Variants in THSD4 observed in about 807,000 individuals in gnomAD.
THSD4 encodes the protein thrombospondin type 1 domain containing 4.
THSD4 carries 69 observed loss-of-function variants against 119.0 expected under a neutral mutation model. The ratio of observed to expected loss-of-function variants is 0.58; its 90% CI spans 0.48 to 0.71. The LOEUF (loss-of-function observed/expected upper bound fraction) is 0.71. THSD4 is among the 30% of genes least tolerant of loss of function. The probability of loss-of-function intolerance (pLI) is 0.00; values close to 1 mark genes in which losing one functional copy is unlikely to be tolerated. For synonymous variants in THSD4, 524 were observed against 540.4 expected (o/e 0.97, Z 0.42); for missense variants, 1,393 against 1,391.1 (o/e 1.00, Z -0.02).
intron 13 of THSD4, among the ~76,000 whole-genome samples, chr15:71,747,932 A>G (rs1284946517): frequency 6.6e-6 from 1 of 152,226 alleles, no homozygotes; most frequent in East Asian, 1.9e-4. Context: ...TCAAGGGCAG[A>G]GGTGCATGAC....
intron 8 of THSD4, among the ~76,000 whole-genome samples, chr15:71,713,492 C>G (rs984599948): frequency 7.2e-5 from 11 of 152,192 alleles, no homozygotes; most frequent in African/African-American, 2.7e-4. Flanking sequence ...TTTACACAAT[C>G]TTACAGCATC....
chr15:71,519,808 C>G (rs576905928), intron 7 of THSD4, among the ~76,000 whole-genome samples: 3 of 152,278 alleles, frequency 2.0e-5, no homozygotes, highest in Admixed American at 2.0e-4. Context: ...GCTTTGGAAA[C>G]AGCAAAGGGG....
intron 3 of THSD4, among the ~76,000 whole-genome samples, chr15:71,195,971 G>C (rs1002623696): frequency 2.0e-5 from 3 of 152,184 alleles, no homozygotes; most frequent in Non-Finnish European, 2.9e-5. Flanking sequence ...CAAAATGCCT[G>C]AGACTGGGTA....
At chr15:71,374,603 C>T (rs913632068) in intron 6 of THSD4, among the ~76,000 whole-genome samples, 49 of 152,140 alleles carry the variant, frequency 3.2e-4, no homozygotes, top group South Asian at 4.1e-4. Flanking sequence ...CTCTGGGTCT[C>T]CCTCCAGCTT....
chr15:71,121,446 C>T (rs909161153), intron 1 of THSD4, among the ~76,000 whole-genome samples: 1 of 151,958 alleles, frequency 6.6e-6, no homozygotes, highest in African/African-American at 2.4e-5. Context: ...TCTTCCAGGG[C>T]GCCAAGGCTT....
chr15:71,356,906 C>T (rs1184725042), intron 6 of THSD4, among the ~76,000 whole-genome samples: 7 of 152,172 alleles, frequency 4.6e-5, no homozygotes, highest in Non-Finnish European at 8.8e-5. Flanking sequence ...AGACACCAAA[C>T]GACAGCGCAC....
intron 7 of THSD4, among the ~76,000 whole-genome samples, chr15:71,632,719 T>G (rs1202672492): frequency 6.6e-6 from 1 of 152,252 alleles, no homozygotes; most frequent in Non-Finnish European, 1.5e-5. Flanking sequence ...CAGCAACTGC[T>G]GTAAGTGATT....
intron 4 of THSD4, among the ~76,000 whole-genome samples, chr15:71,222,718 G>A (rs1240406691): frequency 6.6e-6 from 1 of 152,126 alleles, no homozygotes; most frequent in African/African-American, 2.4e-5. Context: ...GAGTCTGGTC[G>A]GGTGAGGAAA....
chr15:71,199,827 G>GGTGT (rs748178011), intron 3 of THSD4, among the ~76,000 whole-genome samples: 1 of 118,118 alleles, frequency 8.5e-6, no homozygotes, highest in Non-Finnish European at 1.8e-5. Flanking sequence ...GCACGTGTGG[G>GGTGT]GTGTGTGTGT....
chr15:71,252,517 G>A (rs1013742159), intron 5 of THSD4, among the ~76,000 whole-genome samples: 2 of 152,226 alleles, frequency 1.3e-5, no homozygotes, highest in African/African-American at 4.8e-5. Context: ...GCCAGGCCTC[G>A]GGGGCTGATT....
intron 7 of THSD4, among the ~76,000 whole-genome samples, chr15:71,651,105 A>C (rs753388734): frequency 9.2e-5 from 14 of 152,202 alleles, no homozygotes; most frequent in Non-Finnish European, 1.8e-4. Flanking sequence ...GGCTCCATCA[A>C]AGGCCTGCCC....
intron 6 of THSD4, among the ~76,000 whole-genome samples, chr15:71,299,975 A>AT (rs1567186706): frequency 3.1e-3 from 70 of 22,936 alleles, no homozygotes; most frequent in South Asian, 0.024. Context: ...AAAAAAAAAA[A>AT]AATATATATA....
chr15:71,262,398 A>G (rs540876847), intron 6 of THSD4, among the ~76,000 whole-genome samples: 14 of 152,260 alleles, frequency 9.2e-5, no homozygotes, highest in African/African-American at 3.4e-4. Flanking sequence ...GTCTTGGACA[A>G]TAAATATATA....
At chr15:71,674,210 C>T (rs943161568) in intron 8 of THSD4, among the ~76,000 whole-genome samples, 1 of 152,174 alleles carries the variant, frequency 6.6e-6, no homozygotes, top group African/African-American at 2.4e-5. Context: ...CATTCCTCTG[C>T]TCTTGCTCTT....
In THSD4 at chr15:71,115,897, G is replaced by T. The variant is rs2040356989; in HGVS notation, c.-80+199G>T. On this transcript the variant is annotated intron_variant, in intron 1 of 17. Coordinates refer to ENST00000261862, the MANE Select transcript of THSD4 (RefSeq NM_024817.3). The surrounding 1 kb of genome is among the most constrained non-coding windows in gnomAD (Gnocchi z 4.4). ...CAGCGCGCGCCTGGTCCGTGCGGAC[G>T]GCTGCGCCTCCTTCTCTGGTTCTCT... Among the ~76,000 whole-genome samples, 1 of 152,058 alleles carries T rather than the reference G, an allele frequency of 6.6e-6. No homozygotes were observed. Among genetic ancestry groups the T allele is most frequent in the African/African-American group, 2.4e-5 (1 of 41,456 alleles).
Position 71,388,786 on chromosome 15 carries a change from A to G in THSD4, c.1016-22901A>G, listed in dbSNP as rs187629552. 8.7e-4 allele frequency among the ~76,000 whole-genome samples: 132 copies of G among 152,122 alleles called. 1 individual carries two copies. Among genetic ancestry groups the G allele is most frequent in the Admixed American group, 1.8e-3 (27 of 15,274 alleles). On this transcript the variant is annotated intron_variant, in intron 6 of 17. Transcript: ENST00000261862. ...TGATAATATGATAAAATATATATAT[A>G]TAAAAAACATAAAACTTACCATCCA...
At chr15:71,320,054 G>C (rs1330637461) in intron 6 of THSD4, among the ~76,000 whole-genome samples, 2 of 152,144 alleles carry the variant, frequency 1.3e-5, no homozygotes, top group African/African-American at 4.8e-5. Context: ...TTGAAAATAT[G>C]CTTGGGGAAA....
intron 6 of THSD4, among the ~76,000 whole-genome samples, chr15:71,287,190 G>T (rs28757589): frequency 1.3e-5 from 2 of 152,006 alleles, no homozygotes; most frequent in African/African-American, 4.8e-5. Context: ...AAATACTTAG[G>T]ATGTAAAAGT....
chr15:71,336,832 A>C (rs1256011911), intron 6 of THSD4, among the ~76,000 whole-genome samples: 2 of 152,238 alleles, frequency 1.3e-5, no homozygotes, highest in East Asian at 3.8e-4. Context: ...CAAACCTGTC[A>C]AACCTGTTAA....
Sources: allele counts gnomAD v4.1 joint callset (sites outside exome capture counted in the v4.1 genomes callset), GRCh38; gene constraint gnomAD v4.1.1; non-coding constraint Gnocchi (gnomAD v3.1); transcripts MANE v1.5; gene names NCBI Gene and HGNC (gene_info 2026-07-23, HGNC 2026-07-21).